Variants in C2orf74 observed in about 807,000 individuals in gnomAD.
C2orf74 encodes the protein uncharacterized protein C2orf74.
Under a neutral mutation model 17.9 loss-of-function variants are expected in C2orf74, and 14 were observed. That is an observed-to-expected ratio of 0.78 (90% CI 0.52 to 1.22). The LOEUF is 1.22. Ranked by LOEUF, C2orf74 falls within the 50% of genes most tolerant of loss-of-function variation. The pLI is 0.00. For synonymous variants in C2orf74, 79 were observed against 72.6 expected, an observed-to-expected ratio of 1.09 and a Z score of -0.44; for missense variants, 217 against 218.4, an observed-to-expected ratio of 0.99 and a Z score of 0.04.
chr2:61,160,800 A>G (rs1685542513), upstream of C2orf74, among the ~76,000 whole-genome samples: 1 of 152,188 alleles, frequency 6.6e-6, no homozygotes, highest in Non-Finnish European at 1.5e-5. Flanking sequence ...ACCACATTTT[A>G]TCTATCCATC....
At chr2:61,161,082 C>G (rs1458436684), upstream of C2orf74, among the ~76,000 whole-genome samples, 1 of 151,860 alleles carries the variant, frequency 6.6e-6, no homozygotes, top group Non-Finnish European at 1.5e-5. Context: ...TTTTTTCTTT[C>G]TAAAATAATA....
chr2:61,164,139 A>G (rs371106217), intron 4 of C2orf74, among the ~76,000 whole-genome samples: 2 of 152,158 alleles, frequency 1.3e-5, no homozygotes, highest in African/African-American at 4.8e-5. Context: ...GGAGAGAATT[A>G]CATGTCACCA....
At chr2:61,155,667 C>T (rs1246161168) in intron 1 of C2orf74, among the ~76,000 whole-genome samples, 1 of 151,970 alleles carries the variant, frequency 6.6e-6, no homozygotes, top group African/African-American at 2.4e-5. Flanking sequence ...ACTATAGGCA[C>T]CCGCCACCAT....
Position 61,164,612 on chromosome 2 carries a change from C to A in C2orf74, c.*85C>A. 9.2e-7 allele frequency: 1 copy of A among 1,081,738 alleles called. No individual in the cohort carries two copies. Among genetic ancestry groups the A allele is most frequent in the Non-Finnish European group, 1.2e-6 (1 of 806,194 alleles). The allele number at this position is 1,081,738 out of a possible 1,614,324, so 67.0% of individuals were successfully genotyped here. A position where few individuals can be genotyped will look rare whatever the true frequency, so the allele number is the denominator to read the frequency against. On this transcript the variant is annotated 3_prime_UTR_variant, in exon 5 of 5. Transcript: ENST00000432605. ...AGGGTACAAAATCATGTTGAAACAA[C>A]AAAACAATGGGGAATTAAGCAAATA...
chr2:61,149,771 G>T (rs774474327), intron 1 of C2orf74, among the ~76,000 whole-genome samples: 2 of 151,774 alleles, frequency 1.3e-5, no homozygotes, highest in Non-Finnish European at 2.9e-5. Flanking sequence ...GTAAAGATGG[G>T]GTCCTCCATG....
chr2:61,153,303 C>A (rs1227739123), intron 1 of C2orf74, among the ~76,000 whole-genome samples: 1 of 151,936 alleles, frequency 6.6e-6, no homozygotes, highest in Non-Finnish European at 1.5e-5. Context: ...TTTTTTGAGA[C>A]GGAGTCTCGC....
chr2:61,158,286 G>T (rs529988106), upstream of C2orf74, among the ~76,000 whole-genome samples: 145 of 152,296 alleles, frequency 9.5e-4, no homozygotes, highest in African/African-American at 3.3e-3. Context: ...ATAAAAATCA[G>T]TGTAGTGTAG....
At chr2:61,149,246 T>C (rs1000651722) in intron 1 of C2orf74, among the ~76,000 whole-genome samples, 1 of 151,974 alleles carries the variant, frequency 6.6e-6, no homozygotes, top group African/African-American at 2.4e-5. Flanking sequence ...GGAGAGTGAG[T>C]GTGGTTTTCT....
At chr2:61,147,075 G>T (rs866847380) in intron 1 of C2orf74, among the ~76,000 whole-genome samples, 3 of 151,718 alleles carry the variant, frequency 2.0e-5, no homozygotes, top group Non-Finnish European at 1.5e-5. Context: ...AGGCTGAGGT[G>T]GGGGGATCGG....
At chr2:61,157,860 A>G (rs1203953876), upstream of C2orf74, 3 of 470,224 alleles carry the variant, frequency 6.4e-6, no homozygotes, top group South Asian at 3.1e-5. Flanking sequence ...TTTTTGTCAC[A>G]GGATTTCAAC....
At chr2:61,163,623 A>AAAT (rs575931633) in intron 4 of C2orf74, among the ~76,000 whole-genome samples, 74 of 151,374 alleles carry the variant, frequency 4.9e-4, no homozygotes, top group African/African-American at 1.6e-3. Flanking sequence ...TAATAATAAT[A>AAAT]AATAATAATA....
intron 1 of C2orf74, among the ~76,000 whole-genome samples, chr2:61,148,415 G>A (rs1351685640): frequency 1.3e-5 from 2 of 152,020 alleles, no homozygotes; most frequent in Non-Finnish European, 2.9e-5. Context: ...TCGAAATCCT[G>A]ACCTCAGGTG....
chr2:61,163,391 G>A (rs1240214424), intron 4 of C2orf74, among the ~76,000 whole-genome samples, 159 bp downstream of exon 4: 1 of 152,034 alleles, frequency 6.6e-6, no homozygotes, highest in Non-Finnish European at 1.5e-5. Flanking sequence ...GGCGGATCAC[G>A]AGGGCACATC....
At chr2:61,146,385 G>A (rs1729658) in intron 1 of C2orf74, among the ~76,000 whole-genome samples, 95,881 of 152,068 alleles carry the variant, frequency 0.63, 30,601 homozygotes, top group African/African-American at 0.73. Context: ...GAAACTAATA[G>A]TCATGGTTTC....
At position 61,163,230 on chromosome 2, in the gene C2orf74, G is replaced by A. The variant is rs1276284640; in HGVS notation, c.388G>A (p.Glu130Lys). 12 of 1,549,748 alleles carry A rather than the reference G, an allele frequency of 7.7e-6. 1 individual carries two copies. The South Asian group carries it at 1.3e-4, about 17-fold the overall frequency. ...PENAGETGQE[E>K]DDGLQKIHTS... Reference sequence around the variant, plus strand: ...GAATGCTGGAGAAACTGGTCAAGAAGAGGTGATGTGTTTTTCTACTCTCAA... The same window carrying A: ...GAATGCTGGAGAAACTGGTCAAGAAAAGGTGATGTGTTTTTCTACTCTCAA... Residue 130 changes from glutamate (E) to lysine (K), a missense_variant and splice_region_variant, in exon 4 of 5, where the codon GAG (glutamate) becomes AAG (lysine). Coordinates refer to ENST00000432605, the MANE Select transcript of C2orf74 (RefSeq NM_001143959.4).
intron 1 of C2orf74, among the ~76,000 whole-genome samples, chr2:61,150,637 T>C (rs1685197913): frequency 6.6e-6 from 1 of 152,146 alleles, no homozygotes; most frequent in South Asian, 2.1e-4. Context: ...CAAAGCTGAC[T>C]GTCCTCACAG....
In C2orf74 at chr2:61,153,330, G is replaced by T. The variant is rs1189971673; in HGVS notation, c.-122+8134G>T. Among the ~76,000 whole-genome samples the T allele has an allele frequency of 2.0e-5, 3 of 151,806 alleles. No individual in the cohort carries two copies. In the East Asian group the frequency reaches 5.9e-4, roughly 30 times the overall value. On this transcript the variant is annotated intron_variant, in intron 1 of 3. Coordinates refer to the C2orf74 transcript ENST00000426997. ...GAGTCTCGCTCAGTCACCCAGTCTG[G>T]AGTGCAGTGGCGCGATCTCAGCTCA...
intron 1 of C2orf74, among the ~76,000 whole-genome samples, chr2:61,155,445 A>C (rs1011414441): frequency 6.6e-6 from 1 of 152,080 alleles, no homozygotes; most frequent in Non-Finnish European, 1.5e-5. Context: ...AATGAATGCA[A>C]TTCATTATAT....
At chr2:61,151,184 C>T (rs1685217211) in intron 1 of C2orf74, among the ~76,000 whole-genome samples, 1 of 151,192 alleles carries the variant, frequency 6.6e-6, no homozygotes, top group Admixed American at 6.6e-5. Flanking sequence ...GGTGTGATGG[C>T]AGGTGCCTGT....
Sources: allele counts gnomAD v4.1 joint callset (sites outside exome capture counted in the v4.1 genomes callset), GRCh38; gene constraint gnomAD v4.1.1; transcripts MANE v1.5; gene names NCBI Gene and HGNC (gene_info 2026-07-23, HGNC 2026-07-21).